PCDH15: variants seen among roughly 807,000 people sequenced by gnomAD.
PCDH15 encodes the protein protocadherin related 15.
PCDH15 carries 129 observed loss-of-function variants against 178.5 expected under a neutral mutation model. The observed-to-expected ratio is 0.72, with a 90% CI of 0.63 to 0.84. PCDH15 has a LOEUF of 0.84. Among genes scored for constraint, PCDH15 ranks in the 40% least tolerant of loss-of-function variants. PCDH15 has a pLI of 0.00. For missense variants in PCDH15, 2,230 were observed against 2,099.9 expected, an observed-to-expected ratio of 1.06 and a Z score of -1.21; for synonymous variants, 800 against 732.0, an observed-to-expected ratio of 1.09 and a Z score of -1.50.
chr10:54,105,749 C>T (rs2094906610), intron 15 of PCDH15, among the ~76,000 whole-genome samples: 2 of 152,092 alleles, frequency 1.3e-5, no homozygotes, highest in South Asian at 2.1e-4. Flanking sequence ...CAGTATTAAC[C>T]ATCACAGTAT....
intron 2 of PCDH15, among the ~76,000 whole-genome samples, chr10:54,948,503 T>G (rs770805786): frequency 1.3e-5 from 2 of 151,948 alleles, no homozygotes; most frequent in Admixed American, 6.6e-5. Flanking sequence ...TTAAGGAGCT[T>G]CTGTAAGAGA....
At chr10:55,366,328 A>T (rs1195534812) in intron 2 of PCDH15, 1 of 152,166 alleles carries the variant, frequency 6.6e-6, no homozygotes, top group Non-Finnish European at 1.5e-5. Context: ...GTAAAACATA[A>T]GCAATTCTGC....
chr10:55,200,088 T>A (rs1166132674), intron 1 of PCDH15, among the ~76,000 whole-genome samples: 2 of 152,110 alleles, frequency 1.3e-5, no homozygotes, highest in South Asian at 4.1e-4. Flanking sequence ...AGAAGAGGGC[T>A]ACCATCCTCT....
chr10:54,014,024 A>AG lies in PCDH15; in HGVS notation c.2751+6167dup, dbSNP rs2092668289. On this transcript the variant is annotated intron_variant, in intron 20 of 37. Transcript: ENST00000644397. ...AGATGGATGAATAGCTAGACAAATAAGAAAAAAAAAGAGAAGATCCAACTA... is the reference window on the plus strand; with the variant it reads ...AGATGGATGAATAGCTAGACAAATAAGGAAAAAAAAAGAGAAGATCCAACTA... Among the ~76,000 whole-genome samples the AG allele has an allele frequency of 2.6e-5, 4 of 152,044 alleles. No individual in the cohort carries two copies. The South Asian group carries it at 8.3e-4, about 32-fold the overall frequency.
At chr10:54,462,231 A>G (rs2077207288) in intron 3 of PCDH15, among the ~76,000 whole-genome samples, 1 of 152,016 alleles carries the variant, frequency 6.6e-6, no homozygotes, top group Admixed American at 6.6e-5. Context: ...TGTAAAGTCG[A>G]TATTTAATGA....
intron 3 of PCDH15, among the ~76,000 whole-genome samples, chr10:54,866,044 A>G (rs904064278): frequency 5.3e-5 from 8 of 152,208 alleles, no homozygotes; most frequent in South Asian, 2.1e-4. Context: ...TTGATAGATG[A>G]GAAACTTTTC....
chr10:55,233,666 T>G (rs2132201694), intron 1 of PCDH15, among the ~76,000 whole-genome samples: 1 of 152,172 alleles, frequency 6.6e-6, no homozygotes, highest in Middle Eastern at 3.4e-3. Flanking sequence ...ATATGCAAAT[T>G]ATAAAAGCAC....
intron 3 of PCDH15, among the ~76,000 whole-genome samples, chr10:54,820,330 G>A (rs1019275528): frequency 6.6e-6 from 1 of 151,940 alleles, no homozygotes; most frequent in African/African-American, 2.4e-5. Context: ...GTTTTTTAGA[G>A]TACATTGACA....
chr10:55,069,384 G>A (rs1044020447), intron 2 of PCDH15, among the ~76,000 whole-genome samples: 4 of 145,560 alleles, frequency 2.7e-5, no homozygotes, highest in Admixed American at 1.4e-4. Flanking sequence ...CCATTAACTC[G>A]TCATTTAGCA....
intron 3 of PCDH15, among the ~76,000 whole-genome samples, chr10:54,402,834 C>G (rs1449048278): frequency 1.3e-5 from 2 of 151,920 alleles, no homozygotes; most frequent in African/African-American, 2.4e-5. Context: ...CTCTGTATTC[C>G]TTAAGACACA....
chr10:54,710,784 T>G (rs903496912), intron 1 of PCDH15, among the ~76,000 whole-genome samples: 1 of 152,044 alleles, frequency 6.6e-6, no homozygotes, highest in Non-Finnish European at 1.5e-5. Flanking sequence ...CTAATACCTC[T>G]TTTTTACTTG....
chr10:54,590,753 T>C (rs1275897041), intron 2 of PCDH15, among the ~76,000 whole-genome samples: 3 of 152,080 alleles, frequency 2.0e-5, no homozygotes, highest in African/African-American at 7.2e-5. Flanking sequence ...GTTGTAAGAA[T>C]CTGATGAGTT....
intron 1 of PCDH15, among the ~76,000 whole-genome samples, chr10:54,679,240 T>C (rs1024855779): frequency 1.4e-5 from 2 of 147,620 alleles, no homozygotes; most frequent in African/African-American, 2.5e-5. Context: ...ATATGTGATA[T>C]AGTAGATTGT....
chr10:54,853,458 T>TATATATATATAC (rs1953679920), intron 3 of PCDH15, among the ~76,000 whole-genome samples: 1 of 128,168 alleles, frequency 7.8e-6, no homozygotes, highest in African/African-American at 2.7e-5. Flanking sequence ...TATATACACA[T>TATATATATATAC]ACATATATAT....
chr10:55,538,637 CCCTT>C (rs1359637732), intron 2 of PCDH15, among the ~76,000 whole-genome samples: 14 of 11,790 alleles, frequency 1.2e-3, no homozygotes, highest in African/African-American at 5.4e-3. Context: ...CTTCCTTCCT[CCCTT>C]CCTTCCTTTC....
chr10:54,563,880 A>G (rs2088597150), intron 2 of PCDH15, among the ~76,000 whole-genome samples: 1 of 152,184 alleles, frequency 6.6e-6, no homozygotes, highest in Admixed American at 6.6e-5. Context: ...TCCTCTGGTC[A>G]GTGTTGAAGA....
intron 9 of PCDH15, among the ~76,000 whole-genome samples, chr10:54,234,132 CTG>C (rs35466519): frequency 0.11 from 15,603 of 138,292 alleles, 836 homozygotes; most frequent in African/African-American, 0.12. Flanking sequence ...ATATCCCCTT[CTG>C]TGTGTGTGTG....
chr10:55,161,234 C>G (rs1266490024), intron 2 of PCDH15, among the ~76,000 whole-genome samples: 1 of 152,132 alleles, frequency 6.6e-6, no homozygotes, highest in Non-Finnish European at 1.5e-5. Flanking sequence ...TCCTCTACTG[C>G]TACAAATTTC....
intron 25 of PCDH15, among the ~76,000 whole-genome samples, chr10:53,916,477 A>T (rs1425410808): frequency 2.0e-5 from 3 of 152,096 alleles, no homozygotes; most frequent in Non-Finnish European, 4.4e-5. Context: ...GTTCAAACGG[A>T]TACATTTAAA....
Sources: allele counts gnomAD v4.1 joint callset (sites outside exome capture counted in the v4.1 genomes callset), GRCh38; gene constraint gnomAD v4.1.1; transcripts MANE v1.5; gene names NCBI Gene and HGNC (gene_info 2026-07-23, HGNC 2026-07-21).